CNPY1: variants seen among roughly 807,000 people sequenced by gnomAD.
CNPY1 encodes canopy FGF signaling regulator 1, also known as protein canopy homolog 1.
Under a neutral mutation model 14.4 loss-of-function variants are expected in CNPY1, and 14 were observed. The observed-to-expected ratio is 0.97, with a 90% CI of 0.64 to 1.52. The LOEUF is 1.52. Ranked by LOEUF, CNPY1 falls within the 40% of genes most tolerant of loss-of-function variation. The pLI, the probability that CNPY1 is intolerant of heterozygous loss-of-function variation, is 0.00. For synonymous variants in CNPY1, 43 were observed against 46.5 expected, an observed-to-expected ratio of 0.92 and a Z score of 0.31; for missense variants, 129 against 131.5, an observed-to-expected ratio of 0.98 and a Z score of 0.09.
intron 2 of CNPY1, among the ~76,000 whole-genome samples, chr7:155,529,563 G>A (rs1796899334): frequency 1.3e-5 from 2 of 152,046 alleles, no homozygotes; most frequent in South Asian, 2.1e-4. Context: ...GCATTCCTTG[G>A]CTTATGGACG....
chr7:155,527,457 T>G (rs1796849324), intron 2 of CNPY1, among the ~76,000 whole-genome samples: 1 of 144,124 alleles, frequency 6.9e-6, no homozygotes, highest in African/African-American at 2.6e-5. Context: ...TTTTTTTTTT[T>G]TTGAGGCAAG....
intron 2 of CNPY1, among the ~76,000 whole-genome samples, chr7:155,533,525 A>G (rs998932295): frequency 2.0e-5 from 3 of 152,156 alleles, no homozygotes; most frequent in African/African-American, 7.2e-5. Flanking sequence ...GAGCGGGGCC[A>G]GCTCCGCCAC....
Position 155,508,998 on chromosome 7 carries a change from C to T in CNPY1, c.199G>A (p.Glu67Lys), listed in dbSNP as rs1563086904. 1 of 1,613,946 alleles carries T rather than the reference C, an allele frequency of 6.2e-7. No individual in the cohort carries two copies. The highest frequency in any genetic ancestry group is 2.2e-5 in the East Asian group (1 of 44,892). ...GGAGCGAATCTCTTGAAAGTTCTCT[C>T]CTTCGTCACAGGGTCTTCCTCAAGC... ...YKLEEDPVTK[E>K]RTFKRFAPRK... The change falls in exon 3 of 5, where the codon GAG becomes AAG. Residue 67 changes from glutamate (E) to lysine (K), a missense_variant. Physicochemically the swap from Glu to Lys is moderately conservative, Grantham distance 56. Coordinates refer to ENST00000636446, the MANE Select transcript of CNPY1 (RefSeq NM_001393663.1).
At chr7:155,524,767 C>T (rs966042184) in intron 2 of CNPY1, among the ~76,000 whole-genome samples, 1 of 151,530 alleles carries the variant, frequency 6.6e-6, no homozygotes, top group Non-Finnish European at 1.5e-5. Flanking sequence ...TTGAATCATC[C>T]CCAAACCATC....
intron 4 of CNPY1, 84 bp from the exon 5 acceptor site, chr7:155,503,189 G>A: frequency 9.3e-7 from 1 of 1,075,150 alleles, no homozygotes; most frequent in South Asian, 1.4e-5. Context: ...CAAAAACTAT[G>A]TTCTGGTAGA....
At position 155,508,887 on chromosome 7, in the gene CNPY1, A is replaced by G. The variant is rs1331896598; in HGVS notation, c.303+7T>C. The stretch of plus-strand genomic sequence containing the variant: ...CATACGATTCATCTGCAAGGAAGAG[A>G]GCTTACCGCAAATTTCAAAGGTCTG... On this transcript the variant is annotated splice_region_variant and intron_variant, in intron 3 of 4. Transcript: ENST00000636446. 1.9e-6 allele frequency: 3 copies of G among 1,612,874 alleles called. No individual in the cohort carries two copies. Among genetic ancestry groups the G allele is most frequent in the Admixed American group, 3.3e-5 (2 of 59,812 alleles).
intron 2 of CNPY1, among the ~76,000 whole-genome samples, chr7:155,540,658 T>C (rs1292964695): frequency 6.6e-6 from 1 of 152,246 alleles, no homozygotes; most frequent in Non-Finnish European, 1.5e-5. Flanking sequence ...TGAGCTCTGC[T>C]TCATCATTTA....
At chr7:155,518,313 C>G (rs1796659988) in intron 2 of CNPY1, 1 of 157,220 alleles carries the variant, frequency 6.4e-6, no homozygotes, top group Non-Finnish European at 1.4e-5. Flanking sequence ...GGGTGGCTAC[C>G]TGCTGACTGT....
chr7:155,538,841 G>A (rs956717211), intron 2 of CNPY1, among the ~76,000 whole-genome samples: 1 of 152,104 alleles, frequency 6.6e-6, no homozygotes, highest in Non-Finnish European at 1.5e-5. Flanking sequence ...TCTCTGAGAC[G>A]TGGCGTTCAC....
chr7:155,510,595 C>A (rs1215128253), intron 2 of CNPY1: 2 of 152,144 alleles, frequency 1.3e-5, no homozygotes, highest in Non-Finnish European at 2.9e-5. Flanking sequence ...ATAGAATATA[C>A]CACCACACGT....
chr7:155,503,421 A>G (rs1796187373), intron 4 of CNPY1, among the ~76,000 whole-genome samples: 1 of 152,136 alleles, frequency 6.6e-6, no homozygotes, highest in Non-Finnish European at 1.5e-5. Context: ...CCACTCAGAG[A>G]TATTTCACAG....
intron 2 of CNPY1, among the ~76,000 whole-genome samples, chr7:155,520,569 C>T (rs1384115435): frequency 6.6e-6 from 1 of 151,418 alleles, no homozygotes; most frequent in East Asian, 1.9e-4. Flanking sequence ...TCCCGAGTAG[C>T]TGGGATTACA....
At chr7:155,545,794 G>A (rs1006727422) in intron 2 of CNPY1, 37 bp downstream of exon 2, 5 of 398,214 alleles carry the variant, frequency 1.3e-5, no homozygotes, top group East Asian at 3.6e-5. Flanking sequence ...GCCCATATCC[G>A]CAATTATACA....
In CNPY1 at chr7:155,503,114, A is replaced by C. The variant is rs1029813366; in HGVS notation, c.401-9T>G. ...AGAAGTTTCACACAGATCTGGAAAAAAAAAAAAAAGTAGATAGCATCATTA... is the reference window on the plus strand; with the variant it reads ...AGAAGTTTCACACAGATCTGGAAAACAAAAAAAAAGTAGATAGCATCATTA... On this transcript the variant is annotated splice_polypyrimidine_tract_variant and intron_variant, in intron 4 of 4. Transcript: ENST00000636446. 1 of 1,598,746 alleles carries C rather than the reference A, an allele frequency of 6.3e-7. No homozygotes were observed. The highest frequency in any genetic ancestry group is 1.7e-5 in the Admixed American group (1 of 59,288).
intron 2 of CNPY1, among the ~76,000 whole-genome samples, chr7:155,537,967 A>G (rs952340081): frequency 2.0e-5 from 3 of 152,272 alleles, no homozygotes; most frequent in Non-Finnish European, 4.4e-5. Flanking sequence ...ACGCAGATAC[A>G]AGAACTGTGA....
chr7:155,516,196 G>A (rs1329389142), intron 2 of CNPY1, among the ~76,000 whole-genome samples: 1 of 152,214 alleles, frequency 6.6e-6, no homozygotes, highest in African/African-American at 2.4e-5. Context: ...ACCCCCATGG[G>A]AGACAAGAGT....
intron 4 of CNPY1, 117 bp downstream of exon 4, chr7:155,506,903 G>T (rs1796332221): frequency 1.5e-6 from 1 of 679,764 alleles, no homozygotes; most frequent in Non-Finnish European, 2.6e-6. Context: ...GGGATCCTGT[G>T]TCAGAGCCGT....
intron 4 of CNPY1, among the ~76,000 whole-genome samples, chr7:155,503,448 G>A (rs1337687507): frequency 6.6e-6 from 1 of 152,004 alleles, no homozygotes; most frequent in Non-Finnish European, 1.5e-5. Context: ...ATGGGCACAG[G>A]ACATCTGGCA....
At chr7:155,524,639 T>C (rs1796786317) in intron 2 of CNPY1, among the ~76,000 whole-genome samples, 1 of 152,158 alleles carries the variant, frequency 6.6e-6, no homozygotes. Context: ...GACCAACTAA[T>C]TGTAGGAAAA....
Sources: allele counts gnomAD v4.1 joint callset (sites outside exome capture counted in the v4.1 genomes callset), GRCh38; gene constraint gnomAD v4.1.1; transcripts MANE v1.5; gene names NCBI Gene and HGNC (gene_info 2026-07-23, HGNC 2026-07-21).